Variants in HMGA2 observed in about 807,000 individuals in gnomAD.
The protein encoded by HMGA2 is high mobility group protein HMGI-C.
Under a neutral mutation model 19.1 loss-of-function variants are expected in HMGA2, and 8 were observed. The ratio of observed to expected loss-of-function variants is 0.42; its 90% CI spans 0.25 to 0.76. The LOEUF is 0.76. Among genes scored for constraint, HMGA2 ranks in the 30% least tolerant of loss-of-function variants. The pLI is 0.28. For missense variants in HMGA2, 109 were observed against 136.3 expected (o/e 0.80, Z 1.00); for synonymous variants, 60 against 48.8 (o/e 1.23, Z -0.96).
chr12:65,907,179 G>A (rs549295198), intron 3 of HMGA2, among the ~76,000 whole-genome samples: 5 of 152,074 alleles, frequency 3.3e-5, no homozygotes, highest in Non-Finnish European at 5.9e-5. Context: ...GGCGGATCAC[G>A]AGGTCAGGAG....
intron 3 of HMGA2, among the ~76,000 whole-genome samples, chr12:65,906,779 G>GAGTA (rs1874609425): frequency 6.6e-6 from 1 of 152,216 alleles, no homozygotes. Context: ...AAGTTCTGTA[G>GAGTA]AGTAAGGATT....
chr12:65,952,599 C>A, intron 4 of HMGA2: 1 of 1,016,632 alleles, frequency 9.8e-7, no homozygotes, highest in Non-Finnish European at 1.3e-6. Flanking sequence ...TAAAAAAAAC[C>A]CAGTGTTTGT....
At chr12:65,929,594 C>T (rs1324249324) in intron 3 of HMGA2, among the ~76,000 whole-genome samples, 1 of 151,822 alleles carries the variant, frequency 6.6e-6, no homozygotes, top group Non-Finnish European at 1.5e-5. Context: ...AATTCTTAAG[C>T]TAGAAGGGCA....
chr12:65,891,362 A>T (rs1280202828), intron 3 of HMGA2, among the ~76,000 whole-genome samples: 1 of 152,182 alleles, frequency 6.6e-6, no homozygotes, highest in Non-Finnish European at 1.5e-5. Flanking sequence ...TAGGGGATAA[A>T]CTTTGAGTGG....
intron 3 of HMGA2, among the ~76,000 whole-genome samples, chr12:65,908,287 G>A (rs1185577734): frequency 6.6e-6 from 1 of 152,084 alleles, no homozygotes. Flanking sequence ...ACAGGTACGG[G>A]GAACTGTTGG....
At chr12:65,947,349 A>G (rs758410878) in intron 3 of HMGA2, among the ~76,000 whole-genome samples, 35 of 152,170 alleles carry the variant, frequency 2.3e-4, no homozygotes, top group South Asian at 4.1e-4. Context: ...TCGTGAGCTC[A>G]AACAATCCTC....
chr12:65,945,397 T>G (rs1876231180), intron 3 of HMGA2, among the ~76,000 whole-genome samples: 1 of 152,128 alleles, frequency 6.6e-6, no homozygotes, highest in Admixed American at 6.5e-5. Flanking sequence ...AAAGGCAAAT[T>G]CTTGATAATG....
At chr12:65,925,058 C>T (rs1433420493) in intron 3 of HMGA2, among the ~76,000 whole-genome samples, 1 of 152,148 alleles carries the variant, frequency 6.6e-6, no homozygotes, top group African/African-American at 2.4e-5. Flanking sequence ...TTAAAAGTTT[C>T]CATCTACTGT....
chr12:65,924,812 A>C lies in HMGA2; in HGVS notation c.250-26571A>C, dbSNP rs576976823. The stretch of plus-strand genomic sequence containing the variant: ...ACTCCGTCTCCAAAAAAACAAAAAA[A>C]GTAATTGTGAAGTCTTTGGCAACTT... On this transcript the variant is annotated intron_variant, in intron 3 of 4. Coordinates refer to ENST00000403681, the MANE Select transcript of HMGA2 (RefSeq NM_003483.6). Among the ~76,000 whole-genome samples the C allele has an allele frequency of 2.0e-5, 3 of 152,270 alleles. No homozygotes were observed. In the East Asian group the frequency reaches 5.8e-4, roughly 29 times the overall value.
chr12:65,915,114 C>A (rs757657053), intron 3 of HMGA2: 1 of 1,613,726 alleles, frequency 6.2e-7, no homozygotes. Context: ...GGAAACAGTA[C>A]CAAAAGGAGT....
chr12:65,937,604 G>A (rs771909330), intron 3 of HMGA2, among the ~76,000 whole-genome samples: 6 of 152,190 alleles, frequency 3.9e-5, no homozygotes, highest in Non-Finnish European at 7.3e-5. Flanking sequence ...TTAACTAGCT[G>A]TCAGGAACAG....
chr12:65,896,863 G>A (rs1565725247), intron 3 of HMGA2, among the ~76,000 whole-genome samples: 1 of 152,206 alleles, frequency 6.6e-6, no homozygotes, highest in Non-Finnish European at 1.5e-5. Context: ...AGATGAATGA[G>A]TCTGGGGGAA....
intron 3 of HMGA2, chr12:65,915,000 C>T (rs1875025013): frequency 6.2e-7 from 1 of 1,607,442 alleles, no homozygotes; most frequent in East Asian, 2.2e-5. Flanking sequence ...AGTGTTCCAT[C>T]ACTAGATCTC....
At chr12:65,832,892 A>T (rs1372321045) in intron 2 of HMGA2, among the ~76,000 whole-genome samples, 3 of 152,032 alleles carry the variant, frequency 2.0e-5, no homozygotes, top group Non-Finnish European at 4.4e-5. Context: ...ATTGATTTTT[A>T]TGATTACAAA....
intron 3 of HMGA2, among the ~76,000 whole-genome samples, chr12:65,932,677 G>T (rs1875757616): frequency 6.6e-6 from 1 of 152,206 alleles, no homozygotes; most frequent in African/African-American, 2.4e-5. Flanking sequence ...TTACCACCAG[G>T]CAGTAATGCC....
chr12:65,908,998 G>C (rs187390320), intron 3 of HMGA2, among the ~76,000 whole-genome samples: 65 of 152,252 alleles, frequency 4.3e-4, no homozygotes, highest in African/African-American at 1.5e-3. Context: ...TCTTTTCTAG[G>C]AAATTGTAGC....
At chr12:65,874,219 T>A (rs893208452) in intron 3 of HMGA2, 2 of 151,094 alleles carry the variant, frequency 1.3e-5, no homozygotes, top group African/African-American at 4.8e-5. Context: ...ATTTTTGTTT[T>A]ATAAACTTAA....
intron 3 of HMGA2, among the ~76,000 whole-genome samples, chr12:65,868,881 A>T (rs1320817697): frequency 6.6e-6 from 1 of 152,200 alleles, no homozygotes; most frequent in African/African-American, 2.4e-5. Context: ...TGAGAAGTAA[A>T]GTAAAAATTT....
intron 3 of HMGA2, among the ~76,000 whole-genome samples, chr12:65,854,877 G>A (rs1223426098): frequency 6.6e-6 from 1 of 152,292 alleles, no homozygotes; most frequent in South Asian, 2.1e-4. Flanking sequence ...CATGGTTCCT[G>A]TCTTTGGCTG....
Sources: allele counts gnomAD v4.1 joint callset (sites outside exome capture counted in the v4.1 genomes callset), GRCh38; gene constraint gnomAD v4.1.1; transcripts MANE v1.5; gene names NCBI Gene and HGNC (gene_info 2026-07-23, HGNC 2026-07-21).